The following TERF2 variants were observed in gnomAD, a reference collection of about 807,000 sequenced individuals.
TERF2 encodes the protein telomeric repeat-binding factor 2.
A neutral mutation model predicts 56.1 loss-of-function variants in TERF2; 16 were observed. The observed-to-expected ratio is 0.29, with a 90% CI of 0.19 to 0.43. The LOEUF is 0.43. Among genes scored for constraint, TERF2 ranks in the 20% least tolerant of loss-of-function variants. TERF2 has a pLI of 1.00. For synonymous variants in TERF2, 296 were observed against 282.1 expected (o/e 1.05, Z -0.50); for missense variants, 547 against 712.9 (o/e 0.77, Z 2.65).
rs139263619 is a variant in TERF2 at position 69,356,883 on chromosome 16, A to G, written c.*15T>C. 3.1e-6 allele frequency: 5 copies of G among 1,605,228 alleles called. No individual in the cohort carries two copies. In the East Asian group the frequency reaches 1.1e-4, roughly 36 times the overall value. Reference sequence around the variant, plus strand: ...AACCATGCTCCTGTGAATTCTGTGGAAATGAAAGCCTGTTTCAGTTCATGC... The same window carrying G: ...AACCATGCTCCTGTGAATTCTGTGGGAATGAAAGCCTGTTTCAGTTCATGC... On this transcript the variant is annotated 3_prime_UTR_variant, in exon 10 of 10. Transcript: ENST00000254942.
At chr16:69,359,302 C>A (rs1340955620) in intron 8 of TERF2, among the ~76,000 whole-genome samples, 1 of 152,036 alleles carries the variant, frequency 6.6e-6, no homozygotes, top group Non-Finnish European at 1.5e-5. Context: ...CCAAGGCGGG[C>A]GGATCACTTG....
rs1330823145 is a variant in TERF2 at position 69,359,713 on chromosome 16, C to T, written c.1426+1691G>A. Among the ~76,000 whole-genome samples the T allele has an allele frequency of 5.1e-5, 7 of 137,238 alleles. No homozygotes were observed. In the East Asian group the frequency reaches 1.1e-3, roughly 22 times the overall value. The allele number at this position is 137,238 out of a possible 152,430, so 90.0% of individuals were successfully genotyped here. On this transcript the variant is annotated intron_variant, in intron 8 of 9. Coordinates refer to ENST00000254942, the MANE Select transcript of TERF2 (RefSeq NM_005652.5). ...TCAGCTCACTGCAACCTCCGCCTCC[C>T]GGGTTCAAGCTATTCTCCTGCCTCA...
At position 69,356,287 on chromosome 16, in the gene TERF2, A is replaced by C; in HGVS notation, c.*611T>G. 2 of 421,788 alleles carry C rather than the reference A, an allele frequency of 4.7e-6. No homozygotes were observed. The highest frequency in any genetic ancestry group is 4.7e-6 in the Non-Finnish European group (1 of 214,938). The allele number at this position is 421,788 out of a possible 1,614,324, so 26.1% of individuals were successfully genotyped here. Reference sequence around the variant, plus strand: ...CATTTCCTAGGAGAAGGTTCTACAGATTACCAGGGATTTAAATTTAAGCAA... The same window carrying C: ...CATTTCCTAGGAGAAGGTTCTACAGCTTACCAGGGATTTAAATTTAAGCAA... On this transcript the variant is annotated 3_prime_UTR_variant, in exon 10 of 10. Coordinates refer to ENST00000254942, the MANE Select transcript of TERF2 (RefSeq NM_005652.5).
At chr16:69,366,594 C>A in intron 7 of TERF2, 1 of 573,542 alleles carries the variant, frequency 1.7e-6, no homozygotes, top group Non-Finnish European at 3.0e-6. Context: ...CACTCATGCC[C>A]TAGTGCAAGG....
intron 3 of TERF2, among the ~76,000 whole-genome samples, chr16:69,376,410 G>A (rs966588200): frequency 9.9e-5 from 15 of 152,094 alleles, no homozygotes; most frequent in Non-Finnish European, 2.1e-4. Flanking sequence ...AATCTCTATA[G>A]TCGTAATTAC....
At chr16:69,372,008 T>C (rs2013595560) in intron 4 of TERF2, among the ~76,000 whole-genome samples, 1 of 152,226 alleles carries the variant, frequency 6.6e-6, no homozygotes, top group South Asian at 2.1e-4. Flanking sequence ...GTGCTGATCA[T>C]TTAAATCAAT....
rs2014177100 is a variant in TERF2 at position 69,385,736 on chromosome 16, C to T, written c.236G>A (p.Gly79Asp). 7 of 1,509,734 alleles carry T rather than the reference C, an allele frequency of 4.6e-6. No homozygotes were observed. Among genetic ancestry groups the T allele is most frequent in the Non-Finnish European group, 6.2e-6 (7 of 1,133,442 alleles). The allele number at this position is 1,509,734 out of a possible 1,614,324, so 93.5% of individuals were successfully genotyped here. A position where few individuals can be genotyped will look rare whatever the true frequency, so the allele number is the denominator to read the frequency against. ...CTCCCCCGCGCCGCGCTCCGCCGGG[C>T]CCCCCAGCCCCGGCTCGTGGCGCCC... is the stretch of plus-strand genomic sequence containing the variant. ...RRGRHEPGLG[G>D]PAERGAGEAR... The change falls in exon 1 of 10, where the codon GGC becomes GAC. Residue 79 changes from glycine to aspartate, a missense_variant. By Grantham distance (94) the Gly-to-Asp change is moderately conservative. Around this residue, in one of 6 missense-constraint regions of TERF2, gnomAD observed 120 missense variants for 172.4 expected, o/e 0.70. Coordinates refer to ENST00000254942, the MANE Select transcript of TERF2 (RefSeq NM_005652.5).
At chr16:69,367,268 T>C in intron 6 of TERF2, 69 bp from the exon 7 acceptor site, 22 of 1,500,872 alleles carry the variant, frequency 1.5e-5, no homozygotes, top group Non-Finnish European at 2.0e-5. Context: ...AGCCACAACT[T>C]TTTTGAAGTT....
At chr16:69,378,951 G>GT (rs1245176421) in intron 3 of TERF2, among the ~76,000 whole-genome samples, 1 of 104,694 alleles carries the variant, frequency 9.6e-6, no homozygotes, top group Non-Finnish European at 2.0e-5. Context: ...AATTTCCTGT[G>GT]GGGGGGGGGA....
At chr16:69,378,016 T>C (rs1284115322) in intron 3 of TERF2, among the ~76,000 whole-genome samples, 2 of 152,230 alleles carry the variant, frequency 1.3e-5, no homozygotes, top group African/African-American at 4.8e-5. Context: ...ATTTTTACCA[T>C]TAAGAATGTT....
At chr16:69,374,485 G>A (rs1040830021) in intron 3 of TERF2, among the ~76,000 whole-genome samples, 1 of 151,616 alleles carries the variant, frequency 6.6e-6, no homozygotes, top group African/African-American at 2.4e-5. Flanking sequence ...AGCCAGGCAT[G>A]GTGGCGTGTG....
At chr16:69,362,864 G>A (rs1030067749) in intron 7 of TERF2, among the ~76,000 whole-genome samples, 14 of 152,234 alleles carry the variant, frequency 9.2e-5, no homozygotes, top group Non-Finnish European at 1.9e-4. Context: ...ACCAAGAATA[G>A]AGACAAATTT....
intron 6 of TERF2, 146 bp downstream of exon 6, chr16:69,368,230 G>T: frequency 1.4e-6 from 1 of 695,104 alleles, no homozygotes; most frequent in Non-Finnish European, 2.4e-6. Flanking sequence ...AGGGTGTGCA[G>T]TCTCCCCCAG....
rs564611021 is a variant in TERF2 at position 69,359,627 on chromosome 16, ATTTTTTTTTTTTTTTTTT to A, written c.1426+1759_1426+1776del. Reference sequence around the variant, plus strand: ...AATCTTCCTCTTACTATCATTCCCAATTTTTTTTTTTTTTTTTTTTTTTTTTTTTTTTGCCCAGGCTGG... The same window carrying A: ...AATCTTCCTCTTACTATCATTCCCAATTTTTTTTTTTTTTGCCCAGGCTGG... On this transcript the variant is annotated intron_variant, in intron 8 of 9. Transcript: ENST00000254942. Among the ~76,000 whole-genome samples, 550 of 72,614 alleles carry A rather than the reference ATTTTTTTTTTTTTTTTTT, an allele frequency of 7.6e-3. 9 individuals are homozygous for A. Among genetic ancestry groups the A allele is most frequent in the African/African-American group, 0.03 (486 of 16,158 alleles). The allele number at this position is 72,614 out of a possible 152,430, so 47.6% of individuals were successfully genotyped here. A position where few individuals can be genotyped will look rare whatever the true frequency, so the allele number is the denominator to read the frequency against.
Position 69,385,630 on chromosome 16 carries a change from C to G in TERF2, c.342G>C (p.Arg114=), listed in dbSNP as rs755335004. ...HEALRAFRGS[R]YGDFRQIRDI... ...CCCGGATCTGTCTGAAGTCCCCGTACCGGCTACCCCGAAAGGCCCGCAGCG... is the reference window on the plus strand; with the variant it reads ...CCCGGATCTGTCTGAAGTCCCCGTAGCGGCTACCCCGAAAGGCCCGCAGCG... The change falls in exon 1 of 10, where the codon CGG becomes CGC. Residue 114 remains arginine, a synonymous_variant. Coordinates refer to ENST00000254942, the MANE Select transcript of TERF2 (RefSeq NM_005652.5). 1 of 1,608,688 alleles carries G rather than the reference C, an allele frequency of 6.2e-7. No homozygotes were observed. The highest frequency in any genetic ancestry group is 1.7e-5 in the Admixed American group (1 of 59,744).
intron 3 of TERF2, among the ~76,000 whole-genome samples, chr16:69,377,450 C>T (rs1199223613): frequency 6.6e-6 from 1 of 152,078 alleles, no homozygotes; most frequent in Non-Finnish European, 1.5e-5. Context: ...GCCTCAACCT[C>T]CCAAGTAGCT....
rs1009813474 is a variant in TERF2, at chr16:69,361,253, A to C, written c.1426+151T>G. 2.0e-5 allele frequency: 13 copies of C among 638,614 alleles called. No homozygotes were observed. In the African/African-American group the frequency reaches 2.2e-4, roughly 11 times the overall value. The allele number at this position is 638,614 out of a possible 1,614,324, so 39.6% of individuals were successfully genotyped here. A position where few individuals can be genotyped will look rare whatever the true frequency, so the allele number is the denominator to read the frequency against. ...TCTGAAAAAGGAAAAAAAAAAAAAA[A>C]CTGATTCTTCATGAATTAAAATGAG... On this transcript the variant is annotated intron_variant, in intron 8 of 9. Coordinates refer to ENST00000254942, the MANE Select transcript of TERF2 (RefSeq NM_005652.5).
chr16:69,357,689 A>C (rs1567442044), intron 8 of TERF2, 128 bp from the exon 9 acceptor site: 1 of 1,073,740 alleles, frequency 9.3e-7, no homozygotes, highest in Admixed American at 2.6e-5. Flanking sequence ...AAGAGAAAGG[A>C]TATCACTAAA....
intron 6 of TERF2, among the ~76,000 whole-genome samples, chr16:69,367,663 G>A (rs933985294): frequency 6.6e-6 from 1 of 152,156 alleles, no homozygotes; most frequent in African/African-American, 2.4e-5. Flanking sequence ...TCTATCATTT[G>A]GAACAGTTAG....
Sources: allele counts gnomAD v4.1 joint callset (sites outside exome capture counted in the v4.1 genomes callset), GRCh38; gene constraint gnomAD v4.1.1; regional missense constraint gnomAD v4.1.1; transcripts MANE v1.5; gene names NCBI Gene and HGNC (gene_info 2026-07-23, HGNC 2026-07-21).